ABCC4: variants seen among roughly 807,000 people sequenced by gnomAD.
ABCC4 encodes ATP-binding cassette sub-family C member 4.
In ABCC4, 102 loss-of-function variants were observed where a neutral mutation model predicts 168.5. The ratio of observed to expected loss-of-function variants is 0.61; its 90% CI spans 0.52 to 0.71. ABCC4 has a LOEUF of 0.71. Among genes scored for constraint, ABCC4 ranks in the 30% least tolerant of loss-of-function variants. ABCC4 has a pLI of 0.00. For synonymous variants in ABCC4, 617 were observed against 590.7 expected (o/e 1.04, Z -0.65); for missense variants, 1,402 against 1,605.8 (o/e 0.87, Z 2.17).
At chr13:95,034,910 C>T (rs551075110) in intron 29 of ABCC4, among the ~76,000 whole-genome samples, 171 bp from the exon 30 acceptor site, 2 of 152,214 alleles carry the variant, frequency 1.3e-5, no homozygotes, top group African/African-American at 2.4e-5. Flanking sequence ...AAACAAAGGC[C>T]TAACCTGACC....
intron 1 of ABCC4, among the ~76,000 whole-genome samples, chr13:95,283,735 T>C (rs1238336218): frequency 6.6e-6 from 1 of 151,318 alleles, no homozygotes; most frequent in Non-Finnish European, 1.5e-5. Flanking sequence ...CTAGCCAACA[T>C]GGAGAAACCC....
intron 8 of ABCC4, among the ~76,000 whole-genome samples, chr13:95,197,334 T>C (rs1258071614): frequency 6.6e-6 from 1 of 152,234 alleles, no homozygotes; most frequent in Non-Finnish European, 1.5e-5. Context: ...TGATTTTAGC[T>C]GAAGTGTACG....
intron 27 of ABCC4, among the ~76,000 whole-genome samples, chr13:95,050,386 G>A (rs889504921): frequency 3.9e-5 from 6 of 152,110 alleles, no homozygotes; most frequent in African/African-American, 1.4e-4. Flanking sequence ...CATCTAGAAG[G>A]TAAAAAGAAT....
chr13:95,207,657 A>T, intron 7 of ABCC4, 143 bp downstream of exon 7: 1 of 792,554 alleles, frequency 1.3e-6, no homozygotes, highest in Non-Finnish European at 2.0e-6. Context: ...CATTCTACTT[A>T]ACCCAACTGC....
chr13:95,185,460 C>T (rs1564350), intron 11 of ABCC4, among the ~76,000 whole-genome samples: 1 of 152,214 alleles, frequency 6.6e-6, no homozygotes, highest in East Asian at 1.9e-4. Context: ...CTATCCAAAT[C>T]GCCAGCAAAT....
chr13:95,124,466 A>G (rs532514244), intron 19 of ABCC4, among the ~76,000 whole-genome samples: 3 of 150,970 alleles, frequency 2.0e-5, no homozygotes, highest in Admixed American at 2.0e-4. Context: ...CCAAGGGGAG[A>G]GGACTGTTTG....
At chr13:95,157,267 G>A (rs1183517414) in intron 19 of ABCC4, among the ~76,000 whole-genome samples, 1 of 151,782 alleles carries the variant, frequency 6.6e-6, no homozygotes, top group Non-Finnish European at 1.5e-5. Context: ...GTCAGTACTT[G>A]GCTTCTTGGG....
intron 1 of ABCC4, among the ~76,000 whole-genome samples, chr13:95,286,321 T>C (rs1310533727): frequency 6.6e-6 from 1 of 151,956 alleles, no homozygotes; most frequent in African/African-American, 2.4e-5. Context: ...GGTTCCACTA[T>C]GTTGGCCAGG....
chr13:95,217,387 C>G (rs2039146235), intron 4 of ABCC4, among the ~76,000 whole-genome samples: 1 of 152,014 alleles, frequency 6.6e-6, no homozygotes, highest in Non-Finnish European at 1.5e-5. Flanking sequence ...TGCATTAATC[C>G]AATCTTCATT....
chr13:95,175,161 G>A (rs2037626241), intron 13 of ABCC4, among the ~76,000 whole-genome samples: 1 of 152,074 alleles, frequency 6.6e-6, no homozygotes, highest in African/African-American at 2.4e-5. Context: ...CCAGAGCCCA[G>A]AGATGAGTTA....
intron 20 of ABCC4, among the ~76,000 whole-genome samples, chr13:95,088,159 T>C (rs1051900878): frequency 1.3e-5 from 2 of 152,204 alleles, no homozygotes; most frequent in Non-Finnish European, 2.9e-5. Context: ...TCTCCCTTCC[T>C]TTGTGGTCAG....
chr13:95,059,544 C>T (rs2033207495), intron 26 of ABCC4, among the ~76,000 whole-genome samples: 1 of 152,128 alleles, frequency 6.6e-6, no homozygotes, highest in Non-Finnish European at 1.5e-5. Flanking sequence ...GCCGCTAAGA[C>T]CGGGGTGGGG....
chr13:95,293,498 G>A lies in ABCC4; in HGVS notation c.74+7743C>T, dbSNP rs933213896. On this transcript the variant is annotated intron_variant, in intron 1 of 30. Transcript: ENST00000645237. ...CTATGTTTTTTTGAGATGGAGTCTCGCTCTGTTGCCCAGGCTGGAGTGCAG... is the reference window on the plus strand; with the variant it reads ...CTATGTTTTTTTGAGATGGAGTCTCACTCTGTTGCCCAGGCTGGAGTGCAG... Among the ~76,000 whole-genome samples, 17 of 151,604 alleles carry A rather than the reference G, an allele frequency of 1.1e-4. No individual in the cohort carries two copies. The East Asian group carries it at 1.6e-3, about 14-fold the overall frequency.
intron 4 of ABCC4, among the ~76,000 whole-genome samples, chr13:95,222,492 G>A (rs947772190): frequency 1.1e-4 from 16 of 152,214 alleles, no homozygotes; most frequent in African/African-American, 3.9e-4. Flanking sequence ...GCCCTGGACA[G>A]TAAGCAGGTA....
chr13:95,264,964 GT>G (rs2040630717), intron 1 of ABCC4, among the ~76,000 whole-genome samples: 1 of 149,692 alleles, frequency 6.7e-6, no homozygotes, highest in African/African-American at 2.5e-5. Context: ...CGCTTCCTGG[GT>G]TCAAGCGATT....
intron 26 of ABCC4, among the ~76,000 whole-genome samples, chr13:95,053,510 G>A (rs769270695): frequency 1.1e-4 from 16 of 152,080 alleles, no homozygotes; most frequent in South Asian, 2.1e-4. Flanking sequence ...ATAATTATTC[G>A]AGGGTCTACA....
chr13:95,278,125 A>G (rs1025057696), intron 1 of ABCC4, among the ~76,000 whole-genome samples: 1 of 152,096 alleles, frequency 6.6e-6, no homozygotes, highest in Non-Finnish European at 1.5e-5. Context: ...GTTACAGGTT[A>G]TTTCTGAAGA....
intron 30 of ABCC4, among the ~76,000 whole-genome samples, chr13:95,031,471 A>C (rs576849460): frequency 6.6e-6 from 1 of 152,360 alleles, no homozygotes; most frequent in South Asian, 2.1e-4. Flanking sequence ...TGTCCACATG[A>C]AGACACATGA....
intron 19 of ABCC4, among the ~76,000 whole-genome samples, chr13:95,159,180 TCA>T (rs1484424478): frequency 7.0e-6 from 1 of 142,500 alleles, no homozygotes; most frequent in African/African-American, 2.5e-5. Flanking sequence ...GAGGCGTAAT[TCA>T]CAGATTTTGT....
Sources: allele counts gnomAD v4.1 joint callset (sites outside exome capture counted in the v4.1 genomes callset), GRCh38; gene constraint gnomAD v4.1.1; transcripts MANE v1.5; gene names NCBI Gene and HGNC (gene_info 2026-07-23, HGNC 2026-07-21).